The following PARD3 variants were observed in gnomAD, a reference collection of about 807,000 sequenced individuals.
The protein encoded by PARD3 is par-3 family cell polarity regulator, also known as partitioning defective 3 homolog.
PARD3 carries 75 observed loss-of-function variants against 155.4 expected under a neutral mutation model. That is an observed-to-expected ratio of 0.48 (90% CI 0.40 to 0.58). The LOEUF (loss-of-function observed/expected upper bound fraction) is 0.58. PARD3 is among the 20% of genes least tolerant of loss of function. The pLI is 0.00. For synonymous variants in PARD3, 576 were observed against 610.5 expected (o/e 0.94, Z 0.83); for missense variants, 1,642 against 1,721.7 (o/e 0.95, Z 0.82).
chr10:34,325,175 A>G (rs1017382347), intron 19 of PARD3, among the ~76,000 whole-genome samples: 9 of 152,004 alleles, frequency 5.9e-5, no homozygotes, highest in African/African-American at 2.2e-4. Context: ...ACGCCTGGCT[A>G]ATCTTTGTAT....
chr10:34,745,971 G>A (rs1013484658), intron 1 of PARD3, among the ~76,000 whole-genome samples: 15 of 152,066 alleles, frequency 9.9e-5, no homozygotes, highest in African/African-American at 2.9e-4. Flanking sequence ...GCATGGTGGC[G>A]AGCGCCTGTA....
At chr10:34,537,912 G>A (rs2083330204) in intron 2 of PARD3, among the ~76,000 whole-genome samples, 1 of 152,134 alleles carries the variant, frequency 6.6e-6, no homozygotes, top group African/African-American at 2.4e-5. Context: ...GGAAAGAGAA[G>A]GTTATTTATA....
intron 1 of PARD3, among the ~76,000 whole-genome samples, chr10:34,767,035 G>A (rs1309180060): frequency 6.6e-6 from 1 of 152,168 alleles, no homozygotes; most frequent in Admixed American, 6.5e-5. Flanking sequence ...CAGGACTCCT[G>A]CAGTGTCATT....
chr10:34,597,529 A>C (rs1205219522), intron 2 of PARD3, among the ~76,000 whole-genome samples: 1 of 152,106 alleles, frequency 6.6e-6, no homozygotes. Flanking sequence ...CCTGGGCTCA[A>C]GTGATCCTCC....
intron 5 of PARD3, among the ~76,000 whole-genome samples, chr10:34,412,964 G>A (rs1845241764): frequency 6.6e-6 from 1 of 152,004 alleles, no homozygotes; most frequent in Admixed American, 6.6e-5. Context: ...ATTTGTTGAG[G>A]TCACACTGGG....
At chr10:34,331,457 T>C in intron 18 of PARD3, 113 bp from the exon 19 acceptor site, 1 of 610,610 alleles carries the variant, frequency 1.6e-6, no homozygotes, top group Non-Finnish European at 2.9e-6. Flanking sequence ...AATGATGAGT[T>C]CTGGAATGCA....
chr10:34,298,954 C>T (rs1957033201), intron 20 of PARD3, among the ~76,000 whole-genome samples: 1 of 152,192 alleles, frequency 6.6e-6, no homozygotes, highest in Non-Finnish European at 1.5e-5. Flanking sequence ...AAGACAATTT[C>T]TTACAGATCA....
At chr10:34,666,421 C>A (rs1182875300) in intron 2 of PARD3, among the ~76,000 whole-genome samples, 1 of 152,050 alleles carries the variant, frequency 6.6e-6, no homozygotes, top group Non-Finnish European at 1.5e-5. Flanking sequence ...GTTCTCCATG[C>A]TCCTTGACAA....
intron 2 of PARD3, among the ~76,000 whole-genome samples, chr10:34,534,214 A>C (rs1361177027): frequency 1.3e-5 from 2 of 150,752 alleles, no homozygotes; most frequent in African/African-American, 2.4e-5. Flanking sequence ...TGCAGTGAGC[A>C]GAGATTGTGC....
At chr10:34,353,577 G>T (rs981841821) in intron 14 of PARD3, among the ~76,000 whole-genome samples, 13 of 152,052 alleles carry the variant, frequency 8.5e-5, no homozygotes, top group Admixed American at 8.5e-4. Context: ...CACAAACACT[G>T]CGGAAGGCCG....
At chr10:34,570,466 G>A (rs1386239260) in intron 2 of PARD3, among the ~76,000 whole-genome samples, 4 of 152,158 alleles carry the variant, frequency 2.6e-5, no homozygotes, top group Non-Finnish European at 5.9e-5. Context: ...AGATAACACA[G>A]AATAGACTTT....
intron 1 of PARD3, among the ~76,000 whole-genome samples, chr10:34,704,358 AAAT>A (rs1347509801): frequency 6.6e-6 from 1 of 152,248 alleles, no homozygotes; most frequent in Non-Finnish European, 1.5e-5. Context: ...TTAATAATAA[AAAT>A]AATGTGAACC....
At chr10:34,189,869 A>G (rs1264844715) in intron 22 of PARD3, among the ~76,000 whole-genome samples, 1 of 152,234 alleles carries the variant, frequency 6.6e-6, no homozygotes, top group Admixed American at 6.5e-5. Context: ...TTTGTTGCCA[A>G]TGATAAAATT....
intron 5 of PARD3, 68 bp downstream of exon 5, chr10:34,450,249 G>A: frequency 7.0e-7 from 1 of 1,426,440 alleles, no homozygotes. Flanking sequence ...TGAGATGGGA[G>A]AAACATCTTT....
chr10:34,541,951 C>T (rs1282642039), intron 2 of PARD3, among the ~76,000 whole-genome samples: 10 of 152,004 alleles, frequency 6.6e-5, no homozygotes, highest in Non-Finnish European at 2.9e-5. Flanking sequence ...ATCATGGCTC[C>T]CTGCAGCCTT....
At position 34,545,024 on chromosome 10, in the gene PARD3, AG is replaced by A. The variant is rs1564828844; in HGVS notation, c.223-27866del. Among the ~76,000 whole-genome samples, 4 of 152,326 alleles carry A rather than the reference AG, an allele frequency of 2.6e-5. No individual in the cohort carries two copies. The South Asian group carries it at 8.3e-4, about 32-fold the overall frequency. On this transcript the variant is annotated intron_variant, in intron 2 of 24. Transcript: ENST00000374788. ...AAATTGCCAAAGAATTTAGGAAAAA[AG>A]GGGTTCTGTCAAGACATAATTTCAG...
chr10:34,725,390 G>C (rs1315745783), intron 1 of PARD3, among the ~76,000 whole-genome samples: 1 of 152,058 alleles, frequency 6.6e-6, no homozygotes, highest in Non-Finnish European at 1.5e-5. Flanking sequence ...CTGGCCTCTA[G>C]GTGATCCACC....
chr10:34,666,780 A>ATC lies in PARD3; in HGVS notation c.222+29537_222+29538insGA, dbSNP rs1564481320. On this transcript the variant is annotated intron_variant, in intron 2 of 24. Transcript: ENST00000374788. Reference sequence around the variant, plus strand: ...CCACCTCACCTACCCCTCCCCCTAAAAAAAAAAAAAAAAAAAATATATATA... The same window carrying ATC: ...CCACCTCACCTACCCCTCCCCCTAAATCAAAAAAAAAAAAAAAAATATATATA... Among the ~76,000 whole-genome samples, 377 of 82,330 alleles carry ATC rather than the reference A, an allele frequency of 4.6e-3. 3 individuals are homozygous for ATC. Among genetic ancestry groups the ATC allele is most frequent in the African/African-American group, 0.027 (358 of 13,428 alleles). The allele number at this position is 82,330 out of a possible 152,430, so 54.0% of individuals were successfully genotyped here. A position where few individuals can be genotyped will look rare whatever the true frequency, so the allele number is the denominator to read the frequency against.
chr10:34,418,624 C>A (rs1779282403), intron 5 of PARD3, among the ~76,000 whole-genome samples: 1 of 152,118 alleles, frequency 6.6e-6, no homozygotes, highest in Admixed American at 6.5e-5. Flanking sequence ...TAGAAAATTA[C>A]CTAAATCTGT....
Sources: allele counts gnomAD v4.1 joint callset (sites outside exome capture counted in the v4.1 genomes callset), GRCh38; gene constraint gnomAD v4.1.1; transcripts MANE v1.5; gene names NCBI Gene and HGNC (gene_info 2026-07-23, HGNC 2026-07-21).